The following ZMIZ1 variants were observed in gnomAD, a reference collection of about 807,000 sequenced individuals.
The protein encoded by ZMIZ1 is zinc finger MIZ-type containing 1.
Under a neutral mutation model 113.9 loss-of-function variants are expected in ZMIZ1, and 17 were observed. The observed-to-expected ratio is 0.15, with a 90% CI of 0.10 to 0.22. The LOEUF (loss-of-function observed/expected upper bound fraction) is 0.22. Ranked by LOEUF, ZMIZ1 falls within the 10% of genes least tolerant of loss-of-function variation. The probability of loss-of-function intolerance (pLI) is 1.00; values close to 1 mark genes in which losing one functional copy is unlikely to be tolerated. For synonymous variants in ZMIZ1, 607 were observed against 603.1 expected (o/e 1.01, Z -0.09); for missense variants, 1,059 against 1,477.8 (o/e 0.72, Z 4.65).
At chr10:79,132,324 G>A (rs1844807002) in intron 2 of ZMIZ1, among the ~76,000 whole-genome samples, 1 of 152,198 alleles carries the variant, frequency 6.6e-6, no homozygotes, top group South Asian at 2.1e-4. Context: ...GTAATACATG[G>A]CAGGGGAGCT....
rs1201325782 is a variant in ZMIZ1, at chr10:79,316,067, A to G, written c.*3318A>G. On this transcript the variant is annotated 3_prime_UTR_variant, in exon 25 of 25. Coordinates refer to ENST00000334512, the MANE Select transcript of ZMIZ1 (RefSeq NM_020338.4). ...GCCACCTGTGTATTTTTAGGGTGCT[A>G]TGGAAATAATGAAAAGAAACGGGGA... The G allele has an allele frequency of 4.6e-5, 7 of 152,782 alleles. No homozygotes were observed. The highest frequency in any genetic ancestry group is 4.6e-4 in the Admixed American group (7 of 15,290). The allele number at this position is 152,782 out of a possible 1,614,324, so 9.5% of individuals were successfully genotyped here.
intron 9 of ZMIZ1, 132 bp downstream of exon 9, chr10:79,290,021 C>A: frequency 1.1e-6 from 1 of 880,540 alleles, no homozygotes; most frequent in Non-Finnish European, 1.7e-6. Flanking sequence ...AGGGCACACC[C>A]AGCTGTGGAC....
Position 79,302,191 on chromosome 10 carries a change from G to T in ZMIZ1, c.2104G>T (p.Ala702Ser). 2 of 1,613,624 alleles carry T rather than the reference G, an allele frequency of 1.2e-6. No individual in the cohort carries two copies. Among genetic ancestry groups the T allele is most frequent in the South Asian group, 1.1e-5 (1 of 91,080 alleles). ...ACTCCTCAAGAAGCGCCTCCTGCCC[G>T]CAGAGCACTGTATCACGAAAAGTGA... ...QGLLKKRLLP[A>S]EHCITKIKRN... is the part of the protein sequence containing the mutation. Residue 702 changes from alanine to serine, a missense_variant, in exon 18 of 25, where the codon GCA becomes TCA. Coordinates refer to ENST00000334512, the MANE Select transcript of ZMIZ1 (RefSeq NM_020338.4).
chr10:79,085,442 C>T (rs746100762), intron 1 of ZMIZ1, among the ~76,000 whole-genome samples: 46 of 152,362 alleles, frequency 3.0e-4, no homozygotes, highest in South Asian at 4.1e-4. Flanking sequence ...GGCCTCAGCC[C>T]GCATAACGCC....
intron 21 of ZMIZ1, 136 bp from the exon 22 acceptor site, chr10:79,305,964 G>C: frequency 7.3e-7 from 1 of 1,364,750 alleles, no homozygotes; most frequent in African/African-American, 1.5e-5. Flanking sequence ...CCAGGCTTCC[G>C]CCTCGTCCAC....
intron 6 of ZMIZ1, among the ~76,000 whole-genome samples, chr10:79,209,126 A>G (rs965560586): frequency 6.6e-6 from 1 of 151,954 alleles, no homozygotes; most frequent in Non-Finnish European, 1.5e-5. Flanking sequence ...GCTACCCTCC[A>G]TGGGCAGGAG....
At chr10:79,231,504 A>G (rs539737045) in intron 7 of ZMIZ1, among the ~76,000 whole-genome samples, 30 of 152,146 alleles carry the variant, frequency 2.0e-4, no homozygotes, top group African/African-American at 7.0e-4. Flanking sequence ...TCGGCCTCCC[A>G]AAGTGCTAAG....
intron 3 of ZMIZ1, among the ~76,000 whole-genome samples, chr10:79,159,735 G>A (rs1846032644): frequency 6.6e-6 from 1 of 152,160 alleles, no homozygotes; most frequent in Non-Finnish European, 1.5e-5. Flanking sequence ...TAGCAGGGTG[G>A]TCCAATGCAG....
chr10:79,209,262 G>A (rs1349458362), intron 6 of ZMIZ1, among the ~76,000 whole-genome samples: 4 of 152,148 alleles, frequency 2.6e-5, no homozygotes, highest in Non-Finnish European at 4.4e-5. Context: ...TCTGCAAAAG[G>A]CCACACACCC....
intron 23 of ZMIZ1, among the ~76,000 whole-genome samples, chr10:79,308,067 C>G (rs1261531585): frequency 6.6e-6 from 1 of 152,244 alleles, no homozygotes; most frequent in African/African-American, 2.4e-5. Flanking sequence ...CTGTTTCACA[C>G]TTATCGACAT....
intron 4 of ZMIZ1, among the ~76,000 whole-genome samples, chr10:79,174,327 G>A (rs749671078): frequency 6.6e-6 from 1 of 152,112 alleles, no homozygotes; most frequent in Non-Finnish European, 1.5e-5. Flanking sequence ...CTGGACAGAA[G>A]AGAGTTAGTG....
At chr10:79,155,021 T>G (rs115870820) in intron 3 of ZMIZ1, among the ~76,000 whole-genome samples, 1 of 152,216 alleles carries the variant, frequency 6.6e-6, no homozygotes, top group African/African-American at 2.4e-5. Flanking sequence ...ACTCTTAGTA[T>G]CCCCCATTTT....
chr10:79,132,146 A>G (rs11818592), intron 2 of ZMIZ1, among the ~76,000 whole-genome samples: 4,290 of 152,230 alleles, frequency 0.028, 187 homozygotes, highest in African/African-American at 0.095. Flanking sequence ...CACGTGCACG[A>G]GCTTCTCTGA....
chr10:79,140,367 G>A (rs987072439), intron 3 of ZMIZ1, among the ~76,000 whole-genome samples: 10 of 152,200 alleles, frequency 6.6e-5, no homozygotes, highest in African/African-American at 2.4e-4. Flanking sequence ...AGTTAATGGT[G>A]CCTGCCAGGG....
At position 79,284,708 on chromosome 10, in the gene ZMIZ1, C is replaced by G. The variant is rs146390788; in HGVS notation, c.426-5067C>G. On this transcript the variant is annotated intron_variant, in intron 8 of 24. Transcript: ENST00000334512. ...TGAGGCTGACTGAAAGTAACATGTC[C>G]AAGGCCACAGAAAGCTTCAGTGGCA... Among the ~76,000 whole-genome samples the G allele has an allele frequency of 2.8e-3, 423 of 152,244 alleles. 1 individual carries two copies. Among genetic ancestry groups the G allele is most frequent in the African/African-American group, 9.8e-3 (405 of 41,530 alleles).
intron 6 of ZMIZ1, among the ~76,000 whole-genome samples, chr10:79,215,097 G>T (rs1163435586): frequency 1.3e-5 from 2 of 152,198 alleles, no homozygotes; most frequent in African/African-American, 4.8e-5. Flanking sequence ...TGCTGTTATG[G>T]AAGCCCCCCA....
intron 1 of ZMIZ1, among the ~76,000 whole-genome samples, chr10:79,114,040 C>A (rs1006987242): frequency 6.6e-6 from 1 of 152,130 alleles, no homozygotes; most frequent in Non-Finnish European, 1.5e-5. Flanking sequence ...ACTTGCCTGC[C>A]GGACTCCTAC....
chr10:79,311,566 CGTCT>C (rs889902210), intron 24 of ZMIZ1, among the ~76,000 whole-genome samples: 40 of 152,188 alleles, frequency 2.6e-4, no homozygotes, highest in African/African-American at 8.4e-4. Flanking sequence ...AGGGAGAGGC[CGTCT>C]GTCTGCCTCG....
rs1564600766 is a variant in ZMIZ1 at position 79,302,150 on chromosome 10, G to A, written c.2063G>A (p.Arg688His). Residue 688 changes from arginine (R) to histidine (H), a missense_variant, in exon 18 of 25, where the codon CGC (arginine) becomes CAC (histidine). By Grantham distance (29) the Arg-to-His change is conservative. Around this residue, in one of 6 missense-constraint regions of ZMIZ1, gnomAD observed 217 missense variants for 426.9 expected, o/e 0.51. Transcript: ENST00000334512. The part of the protein sequence containing the change: ...VLQLVHRPSV[R>H]SVLQGLLKKR... ...CAGCTGGTACACCGGCCCTCCGTCC[G>A]CTCTGTGCTGCAAGGACTCCTCAAG... 3 of 1,613,908 alleles carry A rather than the reference G, an allele frequency of 1.9e-6. No homozygotes were observed. Among genetic ancestry groups the A allele is most frequent in the Non-Finnish European group, 2.5e-6 (3 of 1,179,996 alleles).
Sources: allele counts gnomAD v4.1 joint callset (sites outside exome capture counted in the v4.1 genomes callset), GRCh38; gene constraint gnomAD v4.1.1; regional missense constraint gnomAD v4.1.1; transcripts MANE v1.5; gene names NCBI Gene and HGNC (gene_info 2026-07-23, HGNC 2026-07-21).